The following SNX32 variants were observed in gnomAD, a reference collection of about 807,000 sequenced individuals.
SNX32 encodes sorting nexin 32.
SNX32 carries 58 observed loss-of-function variants against 57.0 expected under a neutral mutation model. That is an observed-to-expected ratio of 1.02 (90% CI 0.82 to 1.27). The LOEUF (loss-of-function observed/expected upper bound fraction) is 1.27. Ranked by LOEUF, SNX32 falls within the 50% of genes most tolerant of loss-of-function variation. The pLI is 0.00. For synonymous variants in SNX32, 262 were observed against 220.4 expected, an observed-to-expected ratio of 1.19 and a Z score of -1.67; for missense variants, 589 against 541.2, an observed-to-expected ratio of 1.09 and a Z score of -0.88.
intron 12 of SNX32, 113 bp from the exon 13 acceptor site, chr11:65,853,169 C>A: frequency 1.4e-6 from 2 of 1,469,486 alleles, no homozygotes; most frequent in Non-Finnish European, 9.5e-7. Flanking sequence ...TTAACAGCAG[C>A]TGTTATTGCA....
At chr11:65,848,197 G>A (rs981241672) in intron 1 of SNX32, among the ~76,000 whole-genome samples, 7 of 152,160 alleles carry the variant, frequency 4.6e-5, no homozygotes, top group Admixed American at 4.6e-4. Flanking sequence ...TGGGACAGGT[G>A]CCTGTTGTAT....
chr11:65,851,267 C>T, intron 7 of SNX32, 61 bp from the exon 8 acceptor site: 2 of 1,604,006 alleles, frequency 1.2e-6, no homozygotes, highest in Non-Finnish European at 1.7e-6. Context: ...TGTCTGTGGC[C>T]ACAAGCACCA....
chr11:65,839,984 C>T (rs987034215), intron 1 of SNX32, among the ~76,000 whole-genome samples: 1 of 151,750 alleles, frequency 6.6e-6, no homozygotes, highest in Admixed American at 6.6e-5. Flanking sequence ...GGAGAAACCC[C>T]GTCTCTACTA....
At chr11:65,834,228 G>A (rs1858586810) in intron 1 of SNX32, 127 bp downstream of exon 1, 4 of 1,018,134 alleles carry the variant, frequency 3.9e-6, no homozygotes, top group South Asian at 1.5e-5. Context: ...TTCTGTGTGT[G>A]TCTGTGTGTG....
chr11:65,842,724 G>T (rs1858875307), intron 1 of SNX32, among the ~76,000 whole-genome samples: 1 of 151,726 alleles, frequency 6.6e-6, no homozygotes, highest in South Asian at 2.1e-4. Context: ...ACAAGGGGGG[G>T]TGGATCGCCT....
In SNX32 at chr11:65,849,489, A is replaced by G; in HGVS notation, c.48A>G (p.Ala16=). 6.8e-6 allele frequency: 11 copies of G among 1,611,874 alleles called. No individual in the cohort carries two copies. The highest frequency in any genetic ancestry group is 9.3e-6 in the Non-Finnish European group (11 of 1,178,572). Residue 16 remains alanine, a synonymous_variant, in exon 2 of 13, where the codon GCA becomes GCG. Coordinates refer to ENST00000308342, the MANE Select transcript of SNX32 (RefSeq NM_152760.3). ...CCCCTCCTCCGCAGCCTTCCTGTGC[A>G]TCGGTGGATCTGCAGGGAGACAGCT... ...EVGKEGKPSC[A]SVDLQGDSSL...
At chr11:65,839,734 A>C (rs1251419808) in intron 1 of SNX32, among the ~76,000 whole-genome samples, 7 of 67,922 alleles carry the variant, frequency 1.0e-4, no homozygotes, top group East Asian at 1.7e-3. Flanking sequence ...CCCTGTCCCA[A>C]AAAAAAAAAA....
chr11:65,848,495 A>C (rs1859064194), intron 1 of SNX32, among the ~76,000 whole-genome samples: 2 of 151,698 alleles, frequency 1.3e-5, no homozygotes. Flanking sequence ...ACTTGAGCCC[A>C]GGAGTTGGAG....
At chr11:65,847,122 GC>G (rs926056761) in intron 1 of SNX32, among the ~76,000 whole-genome samples, 6 of 149,918 alleles carry the variant, frequency 4.0e-5, no homozygotes, top group Non-Finnish European at 5.9e-5. Context: ...TCCCACCTCA[GC>G]CCCCCCCAAG....
intron 1 of SNX32, among the ~76,000 whole-genome samples, chr11:65,835,909 A>G (rs1421528333): frequency 6.6e-6 from 1 of 152,150 alleles, no homozygotes; most frequent in African/African-American, 2.4e-5. Context: ...TTATCTATGT[A>G]TGTTCATCTT....
chr11:65,850,276 G>A lies in SNX32; in HGVS notation c.374+5G>A. The A allele has an allele frequency of 6.2e-7, 1 of 1,614,184 alleles. No individual in the cohort carries two copies. Among genetic ancestry groups the A allele is most frequent in the Non-Finnish European group, 8.5e-7 (1 of 1,180,042 alleles). On this transcript the variant is annotated splice_donor_5th_base_variant and intron_variant, in intron 4 of 12. Transcript: ENST00000308342. Reference sequence around the variant, plus strand: ...GATGAAGCAGGAGCTGGAAGCGTGAGTGCCCCCTCCTTTCCCTGCCATCCC... The same window carrying A: ...GATGAAGCAGGAGCTGGAAGCGTGAATGCCCCCTCCTTTCCCTGCCATCCC...
chr11:65,847,706 T>C (rs973732797), intron 1 of SNX32, among the ~76,000 whole-genome samples: 1 of 152,004 alleles, frequency 6.6e-6, no homozygotes, highest in Non-Finnish European at 1.5e-5. Context: ...GCTCACAAGT[T>C]CAAGACCAGT....
chr11:65,852,641 C>T lies in SNX32; in HGVS notation c.924C>T (p.Tyr308=). The change falls in exon 11 of 13, where the codon TAC becomes TAT. Residue 308 remains tyrosine, a synonymous_variant. Transcript: ENST00000308342. ...RDSQAAKDLL[Y]RRLRALADYE... is the part of the protein sequence containing the mutation. ...GCCCATGGTCCTAGGACCTGCTGTA[C>T]CGGCGGCTGCGGGCACTGGCCGACT... 1 of 1,607,690 alleles carries T rather than the reference C, an allele frequency of 6.2e-7. No individual in the cohort carries two copies.
At chr11:65,842,754 C>T (rs961040261) in intron 1 of SNX32, among the ~76,000 whole-genome samples, 8 of 149,944 alleles carry the variant, frequency 5.3e-5, no homozygotes, top group African/African-American at 1.5e-4. Context: ...AGTTCGAGAC[C>T]GCCTGGCCAA....
Position 65,850,095 on chromosome 11 carries a change from G to A in SNX32, c.253-55G>A, listed in dbSNP as rs763310712. On this transcript the variant is annotated intron_variant, in intron 3 of 12. Transcript: ENST00000308342. ...AGCACTTGGGTGAGGACCAAAGGCT[G>A]TGATGGCCGTCTCGGCAGTGAGAGG... The A allele has an allele frequency of 5.6e-6, 9 of 1,614,116 alleles. No homozygotes were observed. In the African/African-American group the frequency reaches 6.7e-5, roughly 12 times the overall value.
intron 1 of SNX32, among the ~76,000 whole-genome samples, chr11:65,842,949 C>CAAAAAAAA (rs922615169): frequency 4.9e-5 from 2 of 41,234 alleles, no homozygotes; most frequent in Non-Finnish European, 4.8e-5. Context: ...AACTCCATCT[C>CAAAAAAAA]AAAAAAAAAA....
intron 1 of SNX32, among the ~76,000 whole-genome samples, chr11:65,837,652 T>C (rs1303032106): frequency 6.6e-6 from 1 of 150,738 alleles, no homozygotes; most frequent in Non-Finnish European, 1.5e-5. Flanking sequence ...GACCCCCATC[T>C]CTACTAAAAA....
At chr11:65,836,931 G>A (rs1321004045) in intron 1 of SNX32, among the ~76,000 whole-genome samples, 3 of 151,888 alleles carry the variant, frequency 2.0e-5, no homozygotes, top group African/African-American at 7.3e-5. Context: ...GACAGCATTA[G>A]GACAAATACC....
At chr11:65,847,417 G>A (rs779055445) in intron 1 of SNX32, among the ~76,000 whole-genome samples, 5 of 152,064 alleles carry the variant, frequency 3.3e-5, no homozygotes, top group African/African-American at 4.8e-5. Flanking sequence ...CGGAGGCTGC[G>A]GTGAGCTGTG....
Sources: gnomAD v4.1 joint callset for allele counts (sites outside exome capture counted in the v4.1 genomes callset) on GRCh38, gnomAD v4.1.1 for gene constraint, MANE v1.5 for transcripts, NCBI Gene and HGNC (gene_info 2026-07-23, HGNC 2026-07-21) for gene names.